Variants in GPHN observed in about 807,000 individuals in gnomAD.
GPHN encodes gephyrin.
A neutral mutation model predicts 95.5 loss-of-function variants in GPHN; 17 were observed. The observed-to-expected ratio is 0.18, with a 90% confidence interval of 0.12 to 0.27. The LOEUF (loss-of-function observed/expected upper bound fraction) is 0.27, where lower values mean the gene tolerates loss of function less well. Ranked by LOEUF, GPHN falls within the 10% of genes least tolerant of loss-of-function variation. The pLI, the probability that GPHN is intolerant of heterozygous loss-of-function variation, is 1.00. For synonymous variants in GPHN, 320 were observed against 322.5 expected, an observed-to-expected ratio of 0.99 and a Z score of 0.08; for missense variants, 660 against 978.1, an observed-to-expected ratio of 0.67 and a Z score of 4.34.
At chr14:67,566,768 GT>G in the GPHN span, among the ~76,000 whole-genome samples, 1 of 149,762 alleles carries the variant, frequency 6.7e-6, no homozygotes, top group South Asian at 2.1e-4. Flanking sequence ...AAAAAAAAGA[GT>G]GGGTCTTCTC....
At chr14:66,681,768 ATTTT>A (rs1021155568) in intron 2 of GPHN, among the ~76,000 whole-genome samples, 1 of 151,644 alleles carries the variant, frequency 6.6e-6, no homozygotes, top group Non-Finnish European at 1.5e-5. Context: ...TATTTCATAA[ATTTT>A]TTTTACACTT....
At chr14:67,368,187 G>A in the GPHN span, among the ~76,000 whole-genome samples, 159 of 152,310 alleles carry the variant, frequency 1.0e-3, no homozygotes, top group Non-Finnish European at 1.9e-3. Context: ...GTTTCTGCAG[G>A]AAAAGCAAGG....
intron 1 of GPHN, among the ~76,000 whole-genome samples, chr14:66,553,518 A>G (rs2059898781): frequency 6.6e-6 from 1 of 151,862 alleles, no homozygotes; most frequent in African/African-American, 2.4e-5. Flanking sequence ...CTTCAACTTC[A>G]CTTTTCCTGC....
the GPHN span, among the ~76,000 whole-genome samples, chr14:67,600,914 A>C: frequency 6.6e-6 from 1 of 152,144 alleles, no homozygotes; most frequent in Non-Finnish European, 1.5e-5. Flanking sequence ...TTGCTTGGCA[A>C]GCCGATTTCT....
chr14:67,172,453 C>T (rs1252039966), intron 21 of GPHN, among the ~76,000 whole-genome samples: 7 of 152,134 alleles, frequency 4.6e-5, no homozygotes, highest in African/African-American at 1.7e-4. Context: ...TAAAGCAGCA[C>T]CCTCTATCCC....
the GPHN span, chr14:67,204,767 C>A: frequency 6.2e-7 from 1 of 1,613,820 alleles, no homozygotes. Context: ...ACGAATAGCA[C>A]AGACATCACA....
chr14:66,527,271 A>G (rs2058729271), intron 1 of GPHN, among the ~76,000 whole-genome samples: 1 of 152,056 alleles, frequency 6.6e-6, no homozygotes, highest in African/African-American at 2.4e-5. Context: ...AGGCGTTTAT[A>G]GTATTCTCTG....
the GPHN span, chr14:67,397,930 A>T: frequency 3.4e-6 from 3 of 879,110 alleles, no homozygotes; most frequent in African/African-American, 3.4e-5. Context: ...GTGCTGTGGA[A>T]ATCAGTCTCC....
the GPHN span, among the ~76,000 whole-genome samples, chr14:67,220,124 T>C: frequency 6.6e-6 from 1 of 152,206 alleles, no homozygotes; most frequent in Admixed American, 6.5e-5. Flanking sequence ...ACTTTATAAC[T>C]GTGTACTTTG....
chr14:66,763,939 G>A (rs544902512), intron 2 of GPHN, among the ~76,000 whole-genome samples: 7 of 152,222 alleles, frequency 4.6e-5, no homozygotes, highest in African/African-American at 9.6e-5. Context: ...CATTGTGTGC[G>A]CCTTATGAGA....
At chr14:67,730,321 A>G in the GPHN span, among the ~76,000 whole-genome samples, 3 of 152,174 alleles carry the variant, frequency 2.0e-5, no homozygotes, top group Non-Finnish European at 2.9e-5. Flanking sequence ...ACATGTTGCT[A>G]TTGAGCACTT....
chr14:66,623,467 A>C (rs2153321403), intron 1 of GPHN, among the ~76,000 whole-genome samples: 1 of 152,004 alleles, frequency 6.6e-6, no homozygotes, highest in East Asian at 1.9e-4. Context: ...AAAATACAAA[A>C]ATTGGCTGGG....
chr14:67,514,951 GC>G, the GPHN span: 2 of 147,506 alleles, frequency 1.4e-5, no homozygotes, highest in Non-Finnish European at 1.5e-5. Context: ...ATCTGCTACA[GC>G]CCCAAGTCCG....
At chr14:66,584,035 A>G (rs1296969140) in intron 1 of GPHN, among the ~76,000 whole-genome samples, 1 of 152,102 alleles carries the variant, frequency 6.6e-6, no homozygotes, top group Non-Finnish European at 1.5e-5. Context: ...ATGTTCTTCC[A>G]TTTGTTTGTA....
At chr14:67,539,434 C>CG in the GPHN span, among the ~76,000 whole-genome samples, 1 of 152,160 alleles carries the variant, frequency 6.6e-6, no homozygotes, top group African/African-American at 2.4e-5. Flanking sequence ...CGAGCTTACT[C>CG]GGTCCATCAG....
the GPHN span, among the ~76,000 whole-genome samples, chr14:67,629,720 C>T: frequency 3.9e-5 from 6 of 152,092 alleles, no homozygotes; most frequent in South Asian, 2.1e-4. Context: ...TAGTTAATAA[C>T]GAATGCACTG....
chr14:67,710,988 T>G, the GPHN span, among the ~76,000 whole-genome samples: 1 of 152,204 alleles, frequency 6.6e-6, no homozygotes, highest in Non-Finnish European at 1.5e-5. Context: ...GAAAAAGATT[T>G]AACTTAACTG....
chr14:66,901,754 C>T lies in GPHN; in HGVS notation c.390-14249C>T, dbSNP rs116960582. On this transcript the variant is annotated intron_variant, in intron 5 of 22. Coordinates refer to ENST00000478722, the MANE Select transcript of GPHN (RefSeq NM_020806.5). The stretch of plus-strand genomic sequence containing the variant: ...TCGCATATCTGTTTGGTGTCAGTAC[C>T]ATGTTGATTTGGTTACTATAGCTTT... 6.9e-4 allele frequency among the ~76,000 whole-genome samples: 105 copies of T among 152,040 alleles called. 1 individual carries two copies. The East Asian group carries it at 0.02, about 29-fold the overall frequency.
At chr14:67,691,315 G>C in the GPHN span, 1 of 999,330 alleles carries the variant, frequency 1.0e-6, no homozygotes, top group African/African-American at 1.6e-5. Flanking sequence ...GCTGCCTCAC[G>C]CTCAGGCTTT....
Sources: gnomAD v4.1 joint callset for allele counts (sites outside exome capture counted in the v4.1 genomes callset) on GRCh38, gnomAD v4.1.1 for gene constraint, MANE v1.5 for transcripts, NCBI Gene and HGNC (gene_info 2026-07-23, HGNC 2026-07-21) for gene names.